Variants in NCK2 observed in about 807,000 individuals in gnomAD.
NCK2 encodes the protein NCK adaptor protein 2, also known as cytoplasmic protein NCK2.
A neutral mutation model predicts 33.9 loss-of-function variants in NCK2; 16 were observed. The observed-to-expected ratio is 0.47, with a 90% confidence interval of 0.32 to 0.72. NCK2 has a LOEUF of 0.72. NCK2 is among the 30% of genes least tolerant of loss of function. The pLI is 0.03. For synonymous variants in NCK2, 273 were observed against 239.9 expected (o/e 1.14, Z -1.27); for missense variants, 418 against 537.3 (o/e 0.78, Z 2.19).
intron 3 of NCK2, among the ~76,000 whole-genome samples, chr2:105,864,937 T>C (rs1677688751): frequency 6.6e-6 from 1 of 150,820 alleles, no homozygotes; most frequent in Admixed American, 6.6e-5. Context: ...CTAGAAAGAA[T>C]AACACTGGAA....
chr2:105,868,295 TG>T (rs1558878020), intron 3 of NCK2, among the ~76,000 whole-genome samples: 2 of 152,186 alleles, frequency 1.3e-5, no homozygotes, highest in Non-Finnish European at 2.9e-5. Flanking sequence ...CCCTTCCGTT[TG>T]GGAATTCACA....
intron 2 of NCK2, among the ~76,000 whole-genome samples, chr2:105,825,886 G>A (rs1374720250): frequency 6.6e-6 from 1 of 152,186 alleles, no homozygotes; most frequent in Admixed American, 6.5e-5. Flanking sequence ...TGCAGTCATA[G>A]TGTCCTGGTG....
chr2:105,820,840 G>A (rs1196105955), intron 2 of NCK2, among the ~76,000 whole-genome samples: 1 of 152,162 alleles, frequency 6.6e-6, no homozygotes, highest in African/African-American at 2.4e-5. Flanking sequence ...ATGGTGTAGT[G>A]GGATAGGAAG....
At chr2:105,849,266 C>T (rs1259314696) in intron 2 of NCK2, among the ~76,000 whole-genome samples, 2 of 152,136 alleles carry the variant, frequency 1.3e-5, no homozygotes, top group African/African-American at 2.4e-5. Flanking sequence ...CGGTGGTGCA[C>T]ACCTACAGCT....
chr2:105,803,742 C>A (rs1674930149), intron 1 of NCK2, among the ~76,000 whole-genome samples: 1 of 152,168 alleles, frequency 6.6e-6, no homozygotes, highest in African/African-American at 2.4e-5. Flanking sequence ...TCTTCAGTTT[C>A]TCTTATTTTC....
At chr2:105,757,033 G>C (rs576983776) in intron 1 of NCK2, among the ~76,000 whole-genome samples, 1 of 152,248 alleles carries the variant, frequency 6.6e-6, no homozygotes, top group African/African-American at 2.4e-5. Context: ...TTGAACTCCT[G>C]ACCTCGGGTG....
intron 3 of NCK2, among the ~76,000 whole-genome samples, chr2:105,862,948 C>T (rs1251101372): frequency 2.0e-5 from 3 of 150,424 alleles, no homozygotes; most frequent in East Asian, 1.9e-4. Context: ...TGGCATAAGC[C>T]TTTAAGAGGC....
intron 4 of NCK2, among the ~76,000 whole-genome samples, chr2:105,883,379 T>C (rs1166751255): frequency 1.3e-5 from 2 of 152,186 alleles, no homozygotes; most frequent in Non-Finnish European, 2.9e-5. Context: ...CCAATTACAA[T>C]ATTAAGTGCT....
At chr2:105,781,760 C>T (rs17267584) in intron 1 of NCK2, among the ~76,000 whole-genome samples, 7,888 of 152,262 alleles carry the variant, frequency 0.052, 274 homozygotes, top group Non-Finnish European at 0.074. Context: ...ACAGAGCTGT[C>T]GCCTCTCCGC....
intron 2 of NCK2, among the ~76,000 whole-genome samples, chr2:105,851,213 T>G (rs1036459352): frequency 2.0e-5 from 3 of 151,648 alleles, no homozygotes; most frequent in African/African-American, 7.3e-5. Flanking sequence ...AGGGGGTGCC[T>G]CCTTCATTGA....
At chr2:105,820,961 A>G (rs923088518) in intron 2 of NCK2, among the ~76,000 whole-genome samples, 5 of 152,194 alleles carry the variant, frequency 3.3e-5, no homozygotes, top group African/African-American at 1.2e-4. Context: ...CAGTGAGCCT[A>G]CACACATCTT....
chr2:105,857,243 AG>A lies in NCK2; in HGVS notation c.226+1955del, dbSNP rs1246073614. 5 of 152,252 alleles carry A rather than the reference AG, an allele frequency of 3.3e-5. No individual in the cohort carries two copies. In the East Asian group the frequency reaches 9.7e-4, roughly 29 times the overall value. 9.4% of individuals were successfully genotyped at this position (152,252 alleles called of 1,614,324 possible). On this transcript the variant is annotated intron_variant, in intron 3 of 4. Transcript: ENST00000233154. ...ACCACATCTTCCGCCCAGCATGCTT[AG>A]TTTTTTCATGAGCTGTGATCGGTTC... is the stretch of plus-strand genomic sequence containing the variant.
rs188488470 is a variant in NCK2 at position 105,760,616 on chromosome 2, A to T, written c.-201+15478A>T. ...TCTCTCCATCTGAGGCTCCCTTTGTATCAACCAAGGGTCTTTGCTTTCTGG... is the reference window on the plus strand; with the variant it reads ...TCTCTCCATCTGAGGCTCCCTTTGTTTCAACCAAGGGTCTTTGCTTTCTGG... On this transcript the variant is annotated intron_variant, in intron 1 of 4. Transcript: ENST00000233154. Among the ~76,000 whole-genome samples the T allele has an allele frequency of 2.2e-3, 341 of 152,214 alleles. 1 individual carries two copies. The highest frequency in any genetic ancestry group is 3.9e-3 in the Non-Finnish European group (262 of 68,018).
intron 1 of NCK2, among the ~76,000 whole-genome samples, chr2:105,789,441 G>A (rs963799957): frequency 6.6e-6 from 1 of 152,120 alleles, no homozygotes. Context: ...CACCCGCCTC[G>A]GCCTCCCAAG....
At chr2:105,774,271 A>C (rs1690233822) in intron 1 of NCK2, among the ~76,000 whole-genome samples, 1 of 152,060 alleles carries the variant, frequency 6.6e-6, no homozygotes, top group Non-Finnish European at 1.5e-5. Flanking sequence ...AGTCCTCTAA[A>C]GTGCTGGGAT....
intron 3 of NCK2, among the ~76,000 whole-genome samples, chr2:105,857,357 G>A (rs1677321007): frequency 6.6e-6 from 1 of 152,250 alleles, no homozygotes; most frequent in Non-Finnish European, 1.5e-5. Context: ...CCCGACAGAT[G>A]GCCATCCAGC....
chr2:105,749,902 C>T (rs1274827295), intron 1 of NCK2, among the ~76,000 whole-genome samples: 2 of 152,014 alleles, frequency 1.3e-5, no homozygotes, highest in African/African-American at 2.4e-5. Flanking sequence ...CAGTGGCTCA[C>T]GGCTGTAATC....
chr2:105,782,721 G>A (rs1690541578), intron 1 of NCK2, among the ~76,000 whole-genome samples: 1 of 152,178 alleles, frequency 6.6e-6, no homozygotes, highest in Admixed American at 6.6e-5. Flanking sequence ...TGGCAAAATG[G>A]GCTGCAGCTG....
rs1424183090 is a variant in NCK2, at chr2:105,838,807, A to G, written c.-16-16241A>G. 3.3e-5 allele frequency among the ~76,000 whole-genome samples: 5 copies of G among 152,184 alleles called. No homozygotes were observed. In the East Asian group the frequency reaches 9.6e-4, roughly 29 times the overall value. ...TCTCTCTTTCACATGTTTGCTGAGT[A>G]TATATATGCATGCTAGGCACCCATC... On this transcript the variant is annotated intron_variant, in intron 2 of 4. Coordinates refer to ENST00000233154, the MANE Select transcript of NCK2 (RefSeq NM_003581.5).
Sources: gnomAD v4.1 joint callset for allele counts (sites outside exome capture counted in the v4.1 genomes callset) on GRCh38, gnomAD v4.1.1 for gene constraint, MANE v1.5 for transcripts, NCBI Gene and HGNC (gene_info 2026-07-23, HGNC 2026-07-21) for gene names.